The following RNF111 variants were observed in gnomAD, a reference collection of about 807,000 sequenced individuals.
RNF111 encodes ring finger protein 111.
A neutral mutation model predicts 95.1 loss-of-function variants in RNF111; 17 were observed. The ratio of observed to expected loss-of-function variants is 0.18; its 90% CI spans 0.12 to 0.27. The LOEUF is 0.27. RNF111 is among the 10% of genes least tolerant of loss of function. RNF111 has a pLI of 1.00. For synonymous variants in RNF111, 440 were observed against 414.8 expected, an observed-to-expected ratio of 1.06 and a Z score of -0.74; for missense variants, 1,189 against 1,210.4, an observed-to-expected ratio of 0.98 and a Z score of 0.26.
At chr15:59,036,783 T>C (rs774549529) in intron 2 of RNF111, among the ~76,000 whole-genome samples, 1 of 152,238 alleles carries the variant, frequency 6.6e-6, no homozygotes, top group African/African-American at 2.4e-5. Context: ...AACAGTTGTA[T>C]ATAATTAACT....
chr15:59,036,437 G>A (rs1449216613), intron 2 of RNF111, among the ~76,000 whole-genome samples: 1 of 152,196 alleles, frequency 6.6e-6, no homozygotes, highest in Admixed American at 6.5e-5. Context: ...CACAATCGTG[G>A]CAGGTCATTG....
At chr15:59,010,880 A>G (rs530798925) in intron 1 of RNF111, among the ~76,000 whole-genome samples, 2 of 152,254 alleles carry the variant, frequency 1.3e-5, no homozygotes, top group South Asian at 2.1e-4. Flanking sequence ...TTCTCCTGTT[A>G]TTTAATTGGA....
intron 3 of RNF111, among the ~76,000 whole-genome samples, chr15:59,054,279 T>G (rs1414265978): frequency 1.3e-5 from 2 of 152,130 alleles, no homozygotes; most frequent in Non-Finnish European, 2.9e-5. Flanking sequence ...TTTAGAGTCT[T>G]TTGTGTCAGG....
intron 2 of RNF111, among the ~76,000 whole-genome samples, chr15:59,047,298 C>G (rs574771614): frequency 2.0e-5 from 3 of 152,212 alleles, no homozygotes; most frequent in Admixed American, 6.5e-5. Flanking sequence ...GAATTCGAGA[C>G]CAGCCTGAGC....
chr15:59,004,412 A>G (rs750627063), intron 1 of RNF111, among the ~76,000 whole-genome samples: 2 of 152,218 alleles, frequency 1.3e-5, no homozygotes, highest in Non-Finnish European at 2.9e-5. Flanking sequence ...GATTAAGGTT[A>G]CTATTTTTAT....
chr15:59,054,663 T>G (rs750797999), intron 3 of RNF111, among the ~76,000 whole-genome samples: 4 of 152,158 alleles, frequency 2.6e-5, no homozygotes, highest in Non-Finnish European at 4.4e-5. Context: ...ATTTTAGAAT[T>G]TGAACTTTTT....
rs768619194 is a variant in RNF111 at position 59,080,976 on chromosome 15, C to T, written c.1989C>T (p.Ala663=). 4 of 1,613,796 alleles carry T rather than the reference C, an allele frequency of 2.5e-6. No individual in the cohort carries two copies. Among genetic ancestry groups the T allele is most frequent in the Non-Finnish European group, 2.5e-6 (3 of 1,179,810 alleles). ...LTRPLHHQAS[A]CPHSHGNPPP... Reference sequence around the variant, plus strand: ...GGCCACTTCATCATCAAGCTTCTGCCTGCCCGCATTCTCATGGAAACCCCC... The same window carrying T: ...GGCCACTTCATCATCAAGCTTCTGCTTGCCCGCATTCTCATGGAAACCCCC... Residue 663 remains alanine, a synonymous_variant, in exon 8 of 14, where the codon GCC becomes GCT. Coordinates refer to ENST00000348370, the MANE Select transcript of RNF111 (RefSeq NM_017610.8).
At chr15:59,011,970 G>T (rs1219291736) in intron 1 of RNF111, among the ~76,000 whole-genome samples, 6 of 134,948 alleles carry the variant, frequency 4.4e-5, no homozygotes, top group Non-Finnish European at 8.0e-5. Context: ...AGAATAAGTG[G>T]CTTAATTTTA....
At chr15:59,076,321 TACTTGGCTTA>T (rs1163424649) in intron 7 of RNF111, 106 bp downstream of exon 7, 1 of 1,314,278 alleles carries the variant, frequency 7.6e-7, no homozygotes, top group African/African-American at 1.5e-5. Context: ...TTTTAGTATT[TACTTGGCTTA>T]AGAGTAGGGT....
intron 2 of RNF111, chr15:59,049,499 T>C (rs1279019161): frequency 1.5e-5 from 3 of 204,510 alleles, no homozygotes; most frequent in South Asian, 9.3e-5. Context: ...GTGCTTCAGT[T>C]GTACCTAGGT....
chr15:59,096,511 T>G lies in RNF111; in HGVS notation c.*1611T>G, dbSNP rs1320637763. 6.4e-6 allele frequency: 1 copy of G among 155,822 alleles called. No individual in the cohort carries two copies. The highest frequency in any genetic ancestry group is 1.4e-5 in the Non-Finnish European group (1 of 70,330). 9.7% of individuals were successfully genotyped at this position (155,822 alleles called of 1,614,324 possible). A position where few individuals can be genotyped will look rare whatever the true frequency, so the allele number is the denominator to read the frequency against. ...TTCAACAATAGTGATCTCACTCAAA[T>G]TGACATTTGCATAATTTGACATTTA... On this transcript the variant is annotated 3_prime_UTR_variant, in exon 14 of 14. Transcript: ENST00000348370.
At chr15:59,081,547 G>A (rs2078745059) in intron 8 of RNF111, among the ~76,000 whole-genome samples, 1 of 151,982 alleles carries the variant, frequency 6.6e-6, no homozygotes, top group African/African-American at 2.4e-5. Context: ...AAACCATGAA[G>A]TCTTTAGAAA....
At chr15:59,028,116 C>G (rs2040716539) in intron 1 of RNF111, among the ~76,000 whole-genome samples, 1 of 152,206 alleles carries the variant, frequency 6.6e-6, no homozygotes, top group Non-Finnish European at 1.5e-5. Flanking sequence ...CCGCGCCTGG[C>G]CAGAAACTCC....
chr15:59,093,303 C>G (rs1327061895), intron 13 of RNF111: 1 of 381,258 alleles, frequency 2.6e-6, no homozygotes, highest in African/African-American at 2.2e-5. Context: ...AAACAGGGAT[C>G]CAGATTAGTC....
At chr15:59,060,939 A>G (rs1278193467) in intron 5 of RNF111, among the ~76,000 whole-genome samples, 1 of 151,836 alleles carries the variant, frequency 6.6e-6, no homozygotes, top group Non-Finnish European at 1.5e-5. Flanking sequence ...CACAGGCATG[A>G]CCACCACGTC....
At position 59,066,855 on chromosome 15, in the gene RNF111, A is replaced by G. The variant is rs749054033; in HGVS notation, c.1458A>G (p.Pro486=). 7 of 1,613,876 alleles carry G rather than the reference A, an allele frequency of 4.3e-6. No individual in the cohort carries two copies. Among genetic ancestry groups the G allele is most frequent in the South Asian group, 1.1e-5 (1 of 91,072 alleles). ...CTTCCTGCTGTCCCCAGCACTCACC[A>G]TGTGGAGGGTCGTCACAGAACCACC... ...RLPSCCPQHS[P]CGGSSQNHHA... is the part of the protein sequence containing the mutation. Residue 486 remains proline (P), a synonymous_variant, in exon 6 of 14, where the codon CCA becomes CCG. Transcript: ENST00000348370.
Position 59,024,692 on chromosome 15 carries a change from C to T in RNF111, c.-19-6112C>T, listed in dbSNP as rs116397501. Reference sequence around the variant, plus strand: ...GAATTATTTTGGTCGTTTAAATGTACGTAACATAAAATTACCATTTTTAAG... The same window carrying T: ...GAATTATTTTGGTCGTTTAAATGTATGTAACATAAAATTACCATTTTTAAG... On this transcript the variant is annotated intron_variant, in intron 1 of 13. Coordinates refer to ENST00000348370, the MANE Select transcript of RNF111 (RefSeq NM_017610.8). 3.4e-3 allele frequency among the ~76,000 whole-genome samples: 520 copies of T among 152,252 alleles called. 4 individuals are homozygous for T. The highest frequency in any genetic ancestry group is 0.012 in the African/African-American group (497 of 41,538).
rs1408375591 is a variant in RNF111 at position 59,085,744 on chromosome 15, C to T, written c.2509C>T (p.Pro837Ser). The T allele has an allele frequency of 3.1e-6, 5 of 1,613,390 alleles. No homozygotes were observed. The African/African-American group carries it at 6.7e-5, about 22-fold the overall frequency. Reference protein sequence around the residue: ...HPHLAHYHAPPRLHHLQLGAL... With the variant: ...HPHLAHYHAPSRLHHLQLGAL... ...TCACTTGGCCCATTATCACGCACCT[C>T]CTCGACTTCATCACTTACAATTAGG... The change falls in exon 10 of 14, where the codon CCT (proline) becomes TCT (serine). Residue 837 changes from proline (P) to serine (S), a missense_variant. This residue lies in a region of RNF111 where 165 missense variants were observed against 284.6 expected (regional missense o/e 0.58). Coordinates refer to ENST00000348370, the MANE Select transcript of RNF111 (RefSeq NM_017610.8).
At chr15:59,053,187 C>T (rs2042063155) in intron 3 of RNF111, among the ~76,000 whole-genome samples, 2 of 152,158 alleles carry the variant, frequency 1.3e-5, no homozygotes, top group Admixed American at 6.5e-5. Flanking sequence ...TCTGAACTAA[C>T]ACATTAATGA....
Sources: gnomAD v4.1 joint callset for allele counts (sites outside exome capture counted in the v4.1 genomes callset) on GRCh38, gnomAD v4.1.1 for gene constraint, gnomAD v4.1.1 regional missense constraint, MANE v1.5 for transcripts, NCBI Gene and HGNC (gene_info 2026-07-23, HGNC 2026-07-21) for gene names.